Variants in HSPA12A observed in about 807,000 individuals in gnomAD.
HSPA12A encodes heat shock 70 kDa protein 12A.
A neutral mutation model predicts 69.2 loss-of-function variants in HSPA12A; 28 were observed. That is an observed-to-expected ratio of 0.40 (90% CI 0.30 to 0.55). HSPA12A has a LOEUF of 0.55. Among genes scored for constraint, HSPA12A ranks in the 20% least tolerant of loss-of-function variants. The pLI is 0.38. For synonymous variants in HSPA12A, 345 were observed against 370.5 expected (o/e 0.93, Z 0.79); for missense variants, 686 against 900.7 (o/e 0.76, Z 3.05).
At chr10:116,766,745 G>T (rs1844085335) in intron 2 of HSPA12A, among the ~76,000 whole-genome samples, 1 of 152,168 alleles carries the variant, frequency 6.6e-6, no homozygotes, top group South Asian at 2.1e-4. Flanking sequence ...TAGGAGTAAG[G>T]AATGCCATTC....
chr10:116,758,783 A>C (rs1843904744), intron 2 of HSPA12A, among the ~76,000 whole-genome samples: 1 of 152,186 alleles, frequency 6.6e-6, no homozygotes, highest in African/African-American at 2.4e-5. Context: ...TTTTTTGAAG[A>C]ATTAGAGAAA....
chr10:116,841,839 A>G (rs1845806784), intron 1 of HSPA12A, among the ~76,000 whole-genome samples: 1 of 152,054 alleles, frequency 6.6e-6, no homozygotes, highest in Non-Finnish European at 1.5e-5. Context: ...TTAGGACAAA[A>G]TAGCTGCCAA....
chr10:116,762,680 T>A (rs1554889391), intron 2 of HSPA12A, among the ~76,000 whole-genome samples: 1 of 152,102 alleles, frequency 6.6e-6, no homozygotes, highest in Admixed American at 6.6e-5. Flanking sequence ...ACCTCCTGGG[T>A]TCAAGCGATT....
chr10:116,808,686 T>C (rs540313691), intron 2 of HSPA12A, among the ~76,000 whole-genome samples: 1 of 152,270 alleles, frequency 6.6e-6, no homozygotes, highest in South Asian at 2.1e-4. Flanking sequence ...TATGGCCAGA[T>C]CCATGATTGT....
At chr10:116,724,915 C>A (rs1392154091) in intron 1 of HSPA12A, among the ~76,000 whole-genome samples, 1 of 152,156 alleles carries the variant, frequency 6.6e-6, no homozygotes, top group African/African-American at 2.4e-5. Flanking sequence ...GCCCCCAGAC[C>A]CTGAAGGCCA....
chr10:116,710,547 C>CA lies in HSPA12A; in HGVS notation c.41-3263dup, dbSNP rs1850390055. Reference sequence around the variant, plus strand: ...TTTTTGGTTCTGCTGTACCTCCCTTCAACCCCACGGCAACTGGGCCAATAT... The same window carrying CA: ...TTTTTGGTTCTGCTGTACCTCCCTTCAAACCCCACGGCAACTGGGCCAATAT... On this transcript the variant is annotated intron_variant, in intron 1 of 11. Coordinates refer to ENST00000369209, the MANE Select transcript of HSPA12A (RefSeq NM_025015.3). The surrounding 1 kb of genome is among the most constrained non-coding windows in gnomAD (Gnocchi z 4.1). Among the ~76,000 whole-genome samples, 1 of 152,166 alleles carries CA rather than the reference C, an allele frequency of 6.6e-6. No homozygotes were observed. Among genetic ancestry groups the CA allele is most frequent in the Admixed American group, 6.5e-5 (1 of 15,274 alleles).
At chr10:116,812,986 C>T (rs1845222610) in intron 2 of HSPA12A, among the ~76,000 whole-genome samples, 2 of 152,248 alleles carry the variant, frequency 1.3e-5, no homozygotes, top group South Asian at 4.2e-4. Flanking sequence ...AGGGAGGAAG[C>T]TAAGACGTTA....
chr10:116,678,439 A>T (rs1430296915), intron 10 of HSPA12A, among the ~76,000 whole-genome samples: 2 of 151,636 alleles, frequency 1.3e-5, no homozygotes. Context: ...GATGATAGGA[A>T]ACTCCAATCT....
At chr10:116,784,571 G>A (rs1844535604) in intron 2 of HSPA12A, among the ~76,000 whole-genome samples, 1 of 151,900 alleles carries the variant, frequency 6.6e-6, no homozygotes, top group Admixed American at 6.6e-5. Flanking sequence ...TGAATGAATG[G>A]ATGAGTGCAG....
At chr10:116,750,371 A>G (rs1851747308) in intron 2 of HSPA12A, 2 of 726,880 alleles carry the variant, frequency 2.8e-6, no homozygotes, top group African/African-American at 1.7e-5. Flanking sequence ...TTCTGGCAAT[A>G]AAGTCTTGGG....
At chr10:116,711,645 C>T (rs1169801185) in intron 1 of HSPA12A, among the ~76,000 whole-genome samples, 1 of 150,090 alleles carries the variant, frequency 6.7e-6, no homozygotes, top group African/African-American at 2.5e-5. Flanking sequence ...ATCAGAGAAA[C>T]ACTGACTCTT....
chr10:116,677,019 C>T (rs1405829336), intron 10 of HSPA12A, among the ~76,000 whole-genome samples: 2 of 152,154 alleles, frequency 1.3e-5, no homozygotes, highest in Non-Finnish European at 2.9e-5. Context: ...GCAGAGAGTC[C>T]TGGACGGGAA....
chr10:116,795,707 A>T (rs1844806605), intron 2 of HSPA12A, among the ~76,000 whole-genome samples: 1 of 147,462 alleles, frequency 6.8e-6, no homozygotes, highest in Non-Finnish European at 1.5e-5. Flanking sequence ...AAAAAAAATT[A>T]TAGTAAATAA....
intron 5 of HSPA12A, among the ~76,000 whole-genome samples, chr10:116,693,334 G>C (rs1849790994): frequency 6.6e-6 from 1 of 152,202 alleles, no homozygotes; most frequent in Non-Finnish European, 1.5e-5. Context: ...AGAAGCATCA[G>C]AGGTTTCCAC....
At chr10:116,702,072 G>A (rs1197361670) in intron 3 of HSPA12A, among the ~76,000 whole-genome samples, 2 of 151,992 alleles carry the variant, frequency 1.3e-5, no homozygotes, top group Middle Eastern at 3.2e-3. Context: ...TCGCATCACT[G>A]CACTCCAGCC....
chr10:116,844,571 G>C (rs1328831932), intron 1 of HSPA12A, among the ~76,000 whole-genome samples: 3 of 152,172 alleles, frequency 2.0e-5, no homozygotes, highest in African/African-American at 7.2e-5. Context: ...CGTGATGACT[G>C]AGTGAAAATA....
chr10:116,839,602 CGT>C (rs1491284341), intron 1 of HSPA12A, among the ~76,000 whole-genome samples: 1 of 110,568 alleles, frequency 9.0e-6, no homozygotes, highest in African/African-American at 4.0e-5. Context: ...AGATGCCTAC[CGT>C]AAAAAAAAAA....
At chr10:116,758,637 T>C (rs1843902076) in intron 2 of HSPA12A, among the ~76,000 whole-genome samples, 1 of 152,146 alleles carries the variant, frequency 6.6e-6, no homozygotes, top group South Asian at 2.1e-4. Flanking sequence ...TGCATGTGTA[T>C]ACATGTGTGA....
intron 2 of HSPA12A, among the ~76,000 whole-genome samples, chr10:116,811,347 A>G (rs1420308103): frequency 6.6e-6 from 1 of 152,066 alleles, no homozygotes; most frequent in Middle Eastern, 3.4e-3. Context: ...TCCCATTCCC[A>G]TAAGAGTCAG....
Sources: allele counts gnomAD v4.1 joint callset (sites outside exome capture counted in the v4.1 genomes callset), GRCh38; gene constraint gnomAD v4.1.1; non-coding constraint Gnocchi (gnomAD v3.1); transcripts MANE v1.5; gene names NCBI Gene and HGNC (gene_info 2026-07-23, HGNC 2026-07-21).